Variants in GABBR2 observed in about 807,000 individuals in gnomAD.
GABBR2 encodes the protein G-protein coupled receptor 51.
Under a neutral mutation model 105.6 loss-of-function variants are expected in GABBR2, and 23 were observed. That is an observed-to-expected ratio of 0.22 (90% CI 0.16 to 0.31). The LOEUF (loss-of-function observed/expected upper bound fraction) is 0.31. Among genes scored for constraint, GABBR2 ranks in the 10% least tolerant of loss-of-function variants. GABBR2 has a pLI of 1.00. For synonymous variants in GABBR2, 478 were observed against 499.7 expected, an observed-to-expected ratio of 0.96 and a Z score of 0.58; for missense variants, 734 against 1,245.5, an observed-to-expected ratio of 0.59 and a Z score of 6.18.
chr9:98,512,751 A>C (rs2131698861), intron 3 of GABBR2, among the ~76,000 whole-genome samples: 1 of 152,330 alleles, frequency 6.6e-6, no homozygotes, highest in East Asian at 1.9e-4. Flanking sequence ...CAATGAAATA[A>C]AACAGGATAC....
chr9:98,627,531 C>T lies in GABBR2; in HGVS notation c.322-49459G>A, dbSNP rs76187496. ...GAGGGCTTTGTAAGCTGTCCCCACTCGGGTCTGTTAGTCTCATTAGGAAAA... is the reference window on the plus strand; with the variant it reads ...GAGGGCTTTGTAAGCTGTCCCCACTTGGGTCTGTTAGTCTCATTAGGAAAA... On this transcript the variant is annotated intron_variant, in intron 1 of 18. Coordinates refer to ENST00000259455, the MANE Select transcript of GABBR2 (RefSeq NM_005458.8). Among the ~76,000 whole-genome samples, 1,011 of 152,344 alleles carry T rather than the reference C, an allele frequency of 6.6e-3. 21 individuals are homozygous for T. The highest frequency in any genetic ancestry group is 0.055 in the East Asian group (287 of 5,188).
chr9:98,498,782 T>G lies in GABBR2; in HGVS notation c.631-2268A>C, dbSNP rs564798350. On this transcript the variant is annotated intron_variant, in intron 3 of 18. Transcript: ENST00000259455. ...TAGTCAATGGGGGGAAAAAGTTAAC[T>G]TTTCCATTAGAGTTTATTTCTGCTG... 9.8e-5 allele frequency among the ~76,000 whole-genome samples: 15 copies of G among 152,352 alleles called. No individual in the cohort carries two copies. The East Asian group carries it at 1.3e-3, about 14-fold the overall frequency.
At chr9:98,472,695 G>A (rs1315101791) in intron 6 of GABBR2, among the ~76,000 whole-genome samples, 2 of 152,218 alleles carry the variant, frequency 1.3e-5, no homozygotes, top group Non-Finnish European at 2.9e-5. Flanking sequence ...ACAGGTGGTA[G>A]TGGTAAAATT....
At chr9:98,471,007 T>G (rs1826661593) in intron 6 of GABBR2, among the ~76,000 whole-genome samples, 1 of 152,072 alleles carries the variant, frequency 6.6e-6, no homozygotes, top group African/African-American at 2.4e-5. Flanking sequence ...AGGATCTGAG[T>G]AGCTCCAGTG....
At chr9:98,591,691 A>C (rs530216101) in intron 1 of GABBR2, among the ~76,000 whole-genome samples, 1 of 152,330 alleles carries the variant, frequency 6.6e-6, no homozygotes, top group South Asian at 2.1e-4. Flanking sequence ...AATTCATGAT[A>C]TCAACAAGAC....
chr9:98,691,042 T>C lies in GABBR2; in HGVS notation c.321+17375A>G, dbSNP rs576410789. On this transcript the variant is annotated intron_variant, in intron 1 of 18. Coordinates refer to ENST00000259455, the MANE Select transcript of GABBR2 (RefSeq NM_005458.8). ...AGAAACATAAAGTTGATTGCATCTA[T>C]TATGTCCACCTACAGACTCAACTTA... Among the ~76,000 whole-genome samples, 4 of 152,352 alleles carry C rather than the reference T, an allele frequency of 2.6e-5. No individual in the cohort carries two copies. In the South Asian group the frequency reaches 6.2e-4, roughly 24 times the overall value.
At chr9:98,437,399 ATCCATCCATCCC>A (rs1282691472) in intron 7 of GABBR2, among the ~76,000 whole-genome samples, 1 of 151,738 alleles carries the variant, frequency 6.6e-6, no homozygotes, top group East Asian at 1.9e-4. Context: ...ACCACCGTCT[ATCCATCCATCCC>A]TCCATCCATC....
At chr9:98,320,831 T>G (rs1272236403) in intron 13 of GABBR2, among the ~76,000 whole-genome samples, 2 of 35,308 alleles carry the variant, frequency 5.7e-5, no homozygotes, top group Non-Finnish European at 1.1e-4. Context: ...ACTGTTGTGG[T>G]GTGGGGGGAG....
chr9:98,555,766 A>C lies in GABBR2; in HGVS notation c.460-13723T>G, dbSNP rs562325380. On this transcript the variant is annotated intron_variant, in intron 2 of 18. Transcript: ENST00000259455. ...GCTGGGGCCCCAGCTCGAGTCTTTG[A>C]GTGGGAGAGGATGCAGCATTTCTTA... 1.3e-4 allele frequency: 20 copies of C among 152,338 alleles called. No individual in the cohort carries two copies. The East Asian group carries it at 3.9e-3, about 29-fold the overall frequency. The allele number at this position is 152,338 out of a possible 1,614,324, so 9.4% of individuals were successfully genotyped here.
At chr9:98,503,935 G>T (rs1827454235) in intron 3 of GABBR2, among the ~76,000 whole-genome samples, 1 of 152,144 alleles carries the variant, frequency 6.6e-6, no homozygotes, top group Admixed American at 6.5e-5. Context: ...AGCTTTCCAG[G>T]AGTTTCCAAT....
At chr9:98,438,172 TATCCATCCATCC>T (rs34647195) in intron 7 of GABBR2, among the ~76,000 whole-genome samples, 1,973 of 143,812 alleles carry the variant, frequency 0.014, 29 homozygotes, top group African/African-American at 0.045. Flanking sequence ...TCCATCTACC[TATCCATCCATCC>T]ATCCATCCAT....
At chr9:98,515,847 G>C (rs1292805226) in intron 3 of GABBR2, 1 of 152,264 alleles carries the variant, frequency 6.6e-6, no homozygotes, top group Non-Finnish European at 1.5e-5. Flanking sequence ...TGAGGGACTT[G>C]AAAGATTAAG....
chr9:98,389,120 C>T, intron 9 of GABBR2, 116 bp from the exon 10 acceptor site: 1 of 820,706 alleles, frequency 1.2e-6, no homozygotes, highest in Non-Finnish European at 1.9e-6. Context: ...CTACACAAGG[C>T]ACATCTATCT....
chr9:98,527,217 G>C (rs1827978973), intron 3 of GABBR2, among the ~76,000 whole-genome samples: 1 of 151,488 alleles, frequency 6.6e-6, no homozygotes, highest in Non-Finnish European at 1.5e-5. Flanking sequence ...TGACACCTAA[G>C]GTTATATTAG....
intron 8 of GABBR2, among the ~76,000 whole-genome samples, chr9:98,399,838 C>G (rs1021627272): frequency 6.6e-6 from 1 of 152,046 alleles, no homozygotes; most frequent in African/African-American, 2.4e-5. Flanking sequence ...ATGTAAGGAA[C>G]TTCTGCAGAC....
At chr9:98,409,270 C>T (rs1337228465) in intron 7 of GABBR2, among the ~76,000 whole-genome samples, 1 of 152,230 alleles carries the variant, frequency 6.6e-6, no homozygotes, top group East Asian at 1.9e-4. Flanking sequence ...GGAGGTGAAG[C>T]GGAGCAGCCT....
chr9:98,706,105 AAAAC>A (rs776859305), intron 1 of GABBR2, among the ~76,000 whole-genome samples: 13,740 of 51,178 alleles, frequency 0.27, 720 homozygotes, highest in Middle Eastern at 0.33. Context: ...CAAAACAAAA[AAAAC>A]AAAAAAAAAA....
intron 7 of GABBR2, among the ~76,000 whole-genome samples, chr9:98,447,494 A>T (rs1826153804): frequency 6.6e-6 from 1 of 151,944 alleles, no homozygotes; most frequent in African/African-American, 2.4e-5. Flanking sequence ...AACAGGCAGG[A>T]GAGATGGGAC....
chr9:98,573,495 G>C (rs148915911), intron 2 of GABBR2, among the ~76,000 whole-genome samples: 1 of 152,242 alleles, frequency 6.6e-6, no homozygotes, highest in South Asian at 2.1e-4. Context: ...TGTTCCCCAG[G>C]CTGGCCTCAA....
Sources: gnomAD v4.1 joint callset for allele counts (sites outside exome capture counted in the v4.1 genomes callset) on GRCh38, gnomAD v4.1.1 for gene constraint, MANE v1.5 for transcripts, NCBI Gene and HGNC (gene_info 2026-07-23, HGNC 2026-07-21) for gene names.